EYS: variants seen among roughly 807,000 people sequenced by gnomAD.
EYS encodes the protein protein eyes shut homolog.
A neutral mutation model predicts 282.1 loss-of-function variants in EYS; 250 were observed. The observed-to-expected ratio is 0.89, with a 90% CI of 0.80 to 0.98. The LOEUF is 0.98. EYS is among the 50% of genes least tolerant of loss of function. The probability of loss-of-function intolerance (pLI) is 0.00; values close to 1 mark genes in which losing one functional copy is unlikely to be tolerated. For synonymous variants in EYS, 1,355 were observed against 1,282.9 expected (o/e 1.06, Z -1.20); for missense variants, 4,016 against 3,709.0 (o/e 1.08, Z -2.15).
chr6:64,154,827 T>C (rs1774862832), intron 31 of EYS, among the ~76,000 whole-genome samples: 1 of 152,180 alleles, frequency 6.6e-6, no homozygotes, highest in African/African-American at 2.4e-5. Context: ...ATGAGGTGTG[T>C]GTTTTTTTCT....
chr6:64,218,425 A>G (rs765206241), intron 31 of EYS, among the ~76,000 whole-genome samples: 5 of 152,158 alleles, frequency 3.3e-5, no homozygotes, highest in African/African-American at 7.2e-5. Context: ...GTTCTATCCT[A>G]TCTCTGTGGG....
chr6:64,595,466 G>A (rs922906737), intron 24 of EYS, among the ~76,000 whole-genome samples: 1 of 152,004 alleles, frequency 6.6e-6, no homozygotes, highest in Non-Finnish European at 1.5e-5. Context: ...GAAATAAAGA[G>A]CATTAAAATT....
At chr6:63,732,907 T>C (rs1768816349) in intron 41 of EYS, among the ~76,000 whole-genome samples, 1 of 152,172 alleles carries the variant, frequency 6.6e-6, no homozygotes, top group Non-Finnish European at 1.5e-5. Context: ...TGATGTATGT[T>C]TAAATAGTGA....
intron 35 of EYS, among the ~76,000 whole-genome samples, chr6:63,957,021 T>A (rs896385954): frequency 6.6e-6 from 1 of 152,198 alleles, no homozygotes; most frequent in African/African-American, 2.4e-5. Flanking sequence ...TTTGCACAGA[T>A]TGATAAATTT....
Position 64,989,172 on chromosome 6 carries a change from TA to T in EYS, c.2259+8409del, listed in dbSNP as rs1448395165. On this transcript the variant is annotated intron_variant, in intron 14 of 42. Coordinates refer to ENST00000503581, the MANE Select transcript of EYS (RefSeq NM_001142800.2). Reference sequence around the variant, plus strand: ...TTATTAAAATTAACTGACTGAGGCTTAGAAACGTTAAATGACTTGTTCAAGG... The same window carrying T: ...TTATTAAAATTAACTGACTGAGGCTTGAAACGTTAAATGACTTGTTCAAGG... 3.0e-4 allele frequency among the ~76,000 whole-genome samples: 45 copies of T among 151,000 alleles called. No homozygotes were observed. The East Asian group carries it at 8.8e-3, about 30-fold the overall frequency.
At chr6:64,636,359 A>G (rs1767981025) in intron 22 of EYS, among the ~76,000 whole-genome samples, 1 of 152,218 alleles carries the variant, frequency 6.6e-6, no homozygotes, top group South Asian at 2.1e-4. Flanking sequence ...CTATTTAACA[A>G]ATGGTGCTGG....
At chr6:65,599,040 T>G (rs749469158) in intron 2 of EYS, among the ~76,000 whole-genome samples, 4 of 152,038 alleles carry the variant, frequency 2.6e-5, no homozygotes, top group Non-Finnish European at 4.4e-5. Context: ...GGTTCAGGAC[T>G]GCCCGCATAT....
chr6:63,737,469 G>T (rs1271726787), intron 41 of EYS, among the ~76,000 whole-genome samples: 1 of 152,146 alleles, frequency 6.6e-6, no homozygotes, highest in Non-Finnish European at 1.5e-5. Flanking sequence ...GCTTTTTGAT[G>T]TGCTGTTGGA....
rs983542427 is a variant in EYS, at chr6:64,033,838, C to A, written c.6725+32500G>T. 9.0e-3 allele frequency among the ~76,000 whole-genome samples: 1,330 copies of A among 148,490 alleles called. 16 individuals are homozygous for A. Among genetic ancestry groups the A allele is most frequent in the East Asian group, 0.031 (158 of 5,138 alleles). ...ACACAAATGAGATTACTCTCTCTCT[C>A]TCTCTCTCTATATATATATATATAA... On this transcript the variant is annotated intron_variant, in intron 33 of 42. Transcript: ENST00000503581.
chr6:64,646,135 G>C (rs997479833), intron 22 of EYS, among the ~76,000 whole-genome samples: 1 of 152,140 alleles, frequency 6.6e-6, no homozygotes, highest in African/African-American at 2.4e-5. Context: ...AGAGAATCAA[G>C]AGAAACCGGC....
At chr6:63,958,727 C>T (rs1293252569) in intron 35 of EYS, among the ~76,000 whole-genome samples, 1 of 152,194 alleles carries the variant, frequency 6.6e-6, no homozygotes, top group Non-Finnish European at 1.5e-5. Flanking sequence ...CAGCTAATGA[C>T]TTTAAGTTGA....
intron 5 of EYS, among the ~76,000 whole-genome samples, chr6:65,409,276 G>A (rs552921902): frequency 6.6e-6 from 1 of 152,112 alleles, no homozygotes; most frequent in African/African-American, 2.4e-5. Flanking sequence ...TGCAAATAGA[G>A]TTAACAAACT....
intron 22 of EYS, 123 bp downstream of exon 22, chr6:64,813,255 T>C: frequency 6.4e-6 from 4 of 620,626 alleles, no homozygotes; most frequent in Non-Finnish European, 1.1e-5. Context: ...TGTGCTTATA[T>C]ATATATAAGG....
chr6:64,407,207 C>A (rs1257207484), intron 28 of EYS, among the ~76,000 whole-genome samples: 1 of 150,496 alleles, frequency 6.6e-6, no homozygotes, highest in Non-Finnish European at 1.5e-5. Flanking sequence ...AACAGAAAAC[C>A]AAACACTGCA....
intron 28 of EYS, among the ~76,000 whole-genome samples, chr6:64,428,269 T>C (rs1015829907): frequency 6.6e-6 from 1 of 152,140 alleles, no homozygotes; most frequent in Non-Finnish European, 1.5e-5. Context: ...AGAATATTTT[T>C]TCATCTCTGT....
At chr6:64,842,383 G>T (rs977197546) in intron 19 of EYS, among the ~76,000 whole-genome samples, 1 of 151,718 alleles carries the variant, frequency 6.6e-6, no homozygotes, top group Admixed American at 6.6e-5. Context: ...ATCTTGAATT[G>T]TACTCCCATA....
intron 12 of EYS, among the ~76,000 whole-genome samples, chr6:65,291,855 T>C (rs1370724496): frequency 6.6e-6 from 1 of 151,536 alleles, no homozygotes; most frequent in Admixed American, 6.6e-5. Flanking sequence ...ACTAGCTGAG[T>C]GGTTTAAGAG....
chr6:63,865,580 T>C (rs1436896007), intron 35 of EYS, among the ~76,000 whole-genome samples: 2 of 152,134 alleles, frequency 1.3e-5, no homozygotes, highest in African/African-American at 4.8e-5. Flanking sequence ...GGTGCCAGGA[T>C]CAGCCCTGAT....
intron 22 of EYS, among the ~76,000 whole-genome samples, chr6:64,767,876 A>G (rs1461953830): frequency 6.6e-6 from 1 of 152,026 alleles, no homozygotes; most frequent in Non-Finnish European, 1.5e-5. Context: ...CTCCATAGTG[A>G]CTACACTGGT....
Sources: gnomAD v4.1 joint callset for allele counts (sites outside exome capture counted in the v4.1 genomes callset) on GRCh38, gnomAD v4.1.1 for gene constraint, MANE v1.5 for transcripts, NCBI Gene and HGNC (gene_info 2026-07-23, HGNC 2026-07-21) for gene names.